CNTNAP2: variants seen among roughly 807,000 people sequenced by gnomAD.
CNTNAP2 encodes the protein contactin-associated protein-like 2.
In CNTNAP2, 98 loss-of-function variants were observed where a neutral mutation model predicts 155.2. The ratio of observed to expected loss-of-function variants is 0.63; its 90% CI spans 0.54 to 0.75. The LOEUF is 0.75. Ranked by LOEUF, CNTNAP2 falls within the 30% of genes least tolerant of loss-of-function variation. CNTNAP2 has a pLI of 0.00. For missense variants in CNTNAP2, 1,727 were observed against 1,688.1 expected, an observed-to-expected ratio of 1.02 and a Z score of -0.40; for synonymous variants, 651 against 631.2, an observed-to-expected ratio of 1.03 and a Z score of -0.47.
At chr7:147,565,494 T>C (rs1427016626) in intron 12 of CNTNAP2, among the ~76,000 whole-genome samples, 1 of 152,138 alleles carries the variant, frequency 6.6e-6, no homozygotes, top group Admixed American at 6.5e-5. Flanking sequence ...AGAGACAGCA[T>C]GAAAACATTG....
At chr7:147,690,226 T>A (rs976038698) in intron 13 of CNTNAP2, among the ~76,000 whole-genome samples, 7 of 152,182 alleles carry the variant, frequency 4.6e-5, no homozygotes, top group Non-Finnish European at 1.0e-4. Flanking sequence ...CCAAAATGAC[T>A]TTTTTCCCTG....
At chr7:146,567,452 A>G (rs1172306011) in intron 1 of CNTNAP2, among the ~76,000 whole-genome samples, 2 of 152,204 alleles carry the variant, frequency 1.3e-5, no homozygotes, top group African/African-American at 2.4e-5. Flanking sequence ...GTAAAAATCT[A>G]TATAGTCTTA....
intron 1 of CNTNAP2, among the ~76,000 whole-genome samples, chr7:146,241,705 G>A (rs1480381942): frequency 6.6e-6 from 1 of 152,084 alleles, no homozygotes; most frequent in Non-Finnish European, 1.5e-5. Flanking sequence ...ATAGCCCATA[G>A]TTTTTTCCTG....
intron 1 of CNTNAP2, among the ~76,000 whole-genome samples, chr7:146,281,082 T>G (rs1371734131): frequency 6.6e-6 from 1 of 152,152 alleles, no homozygotes; most frequent in Admixed American, 6.5e-5. Flanking sequence ...GAGGCAGAAT[T>G]CTACATGGGC....
At chr7:148,063,440 T>C (rs1044889706) in intron 15 of CNTNAP2, among the ~76,000 whole-genome samples, 1 of 151,908 alleles carries the variant, frequency 6.6e-6, no homozygotes, top group Non-Finnish European at 1.5e-5. Flanking sequence ...TGCTCTTTCC[T>C]TTTTTCTTTT....
At chr7:146,981,262 A>G (rs1798011848) in intron 3 of CNTNAP2, among the ~76,000 whole-genome samples, 1 of 152,210 alleles carries the variant, frequency 6.6e-6, no homozygotes, top group South Asian at 2.1e-4. Flanking sequence ...TGGAAGAAAT[A>G]AGATTTACAA....
intron 9 of CNTNAP2, among the ~76,000 whole-genome samples, chr7:147,373,528 T>C (rs1356827372): frequency 6.6e-6 from 1 of 152,092 alleles, no homozygotes; most frequent in African/African-American, 2.4e-5. Flanking sequence ...TTAAACCCAA[T>C]GAAAGAGTAT....
chr7:146,153,894 A>G (rs1220094878), intron 1 of CNTNAP2, among the ~76,000 whole-genome samples: 2 of 152,224 alleles, frequency 1.3e-5, no homozygotes, highest in Non-Finnish European at 2.9e-5. Flanking sequence ...GTAGCAGATT[A>G]TTAAACTTCC....
intron 8 of CNTNAP2, among the ~76,000 whole-genome samples, chr7:147,177,149 A>G (rs1802365883): frequency 6.6e-6 from 1 of 151,382 alleles, no homozygotes; most frequent in Non-Finnish European, 1.5e-5. Context: ...ACTCCTTTAC[A>G]AAGACCATAT....
At position 146,918,685 on chromosome 7, in the gene CNTNAP2, C is replaced by T. The variant is rs78314447; in HGVS notation, c.402+78781C>T. On this transcript the variant is annotated intron_variant, in intron 3 of 23. Coordinates refer to ENST00000361727, the MANE Select transcript of CNTNAP2 (RefSeq NM_014141.6). ...GCAGTGATCCTTTTGCAATGAATTT[C>T]GCAGGTGTTTTTTGAGCTTCTTGTA... is the stretch of plus-strand genomic sequence containing the variant. 7.8e-3 allele frequency among the ~76,000 whole-genome samples: 1,195 copies of T among 152,262 alleles called. 15 individuals are homozygous for T. The highest frequency in any genetic ancestry group is 0.027 in the African/African-American group (1,134 of 41,552).
At chr7:146,592,346 T>C (rs1798795826) in intron 1 of CNTNAP2, among the ~76,000 whole-genome samples, 1 of 152,204 alleles carries the variant, frequency 6.6e-6, no homozygotes, top group Non-Finnish European at 1.5e-5. Context: ...GTGTCCCCTT[T>C]AGATATTTGG....
At chr7:147,311,784 T>C (rs532604444) in intron 9 of CNTNAP2, among the ~76,000 whole-genome samples, 1 of 152,282 alleles carries the variant, frequency 6.6e-6, no homozygotes, top group African/African-American at 2.4e-5. Context: ...GTAGAGGAGA[T>C]GAATTTAGCA....
chr7:147,306,632 T>A (rs1285819806), intron 9 of CNTNAP2, among the ~76,000 whole-genome samples: 6 of 152,214 alleles, frequency 3.9e-5, no homozygotes, highest in African/African-American at 1.4e-4. Context: ...ACTAACCGAA[T>A]GTTGTATCGT....
At chr7:147,798,276 G>C (rs1380857106) in intron 13 of CNTNAP2, among the ~76,000 whole-genome samples, 1 of 152,046 alleles carries the variant, frequency 6.6e-6, no homozygotes, top group Non-Finnish European at 1.5e-5. Flanking sequence ...ACCCAACCGA[G>C]AAATAGATCC....
chr7:147,650,382 T>C (rs994260511), intron 13 of CNTNAP2, among the ~76,000 whole-genome samples: 2 of 152,112 alleles, frequency 1.3e-5, no homozygotes, highest in Non-Finnish European at 1.5e-5. Flanking sequence ...TTCAACAACA[T>C]GAGTTTAAAC....
intron 13 of CNTNAP2, among the ~76,000 whole-genome samples, chr7:147,894,880 T>G (rs746937732): frequency 2.0e-5 from 3 of 151,850 alleles, no homozygotes; most frequent in Non-Finnish European, 4.4e-5. Flanking sequence ...GCCCTTGTGC[T>G]TCTGAAACAA....
chr7:148,397,158 G>C lies in CNTNAP2; in HGVS notation c.3716-12233G>C, dbSNP rs192766285. Among the ~76,000 whole-genome samples, 109 of 152,354 alleles carry C rather than the reference G, an allele frequency of 7.2e-4. 1 individual carries two copies. Among genetic ancestry groups the C allele is most frequent in the African/African-American group, 2.5e-3 (104 of 41,590 alleles). On this transcript the variant is annotated intron_variant, in intron 22 of 23. Transcript: ENST00000361727. ...TTAAAGATAAGGAAAATGCAGCTCA[G>C]AGAAAATAAATGTATTCATTCCCTC...
intron 22 of CNTNAP2, among the ~76,000 whole-genome samples, chr7:148,393,947 T>C (rs936411427): frequency 3.3e-5 from 5 of 151,898 alleles, no homozygotes; most frequent in Non-Finnish European, 1.5e-5. Context: ...ATAAGTATTC[T>C]TAATATATTA....
At chr7:147,838,006 T>C (rs888856652) in intron 13 of CNTNAP2, among the ~76,000 whole-genome samples, 1 of 152,212 alleles carries the variant, frequency 6.6e-6, no homozygotes, top group African/African-American at 2.4e-5. Flanking sequence ...GGCATTTCCA[T>C]ACATCTTCTG....
Sources: allele counts gnomAD v4.1 joint callset (sites outside exome capture counted in the v4.1 genomes callset), GRCh38; gene constraint gnomAD v4.1.1; transcripts MANE v1.5; gene names NCBI Gene and HGNC (gene_info 2026-07-23, HGNC 2026-07-21).